Variants in RAD51B observed in about 807,000 individuals in gnomAD.
RAD51B encodes RAD51 paralog B, also known as DNA repair protein RAD51 homolog 2.
RAD51B carries 38 observed loss-of-function variants against 42.2 expected under a neutral mutation model. The ratio of observed to expected loss-of-function variants is 0.90; its 90% CI spans 0.70 to 1.18. RAD51B has a LOEUF of 1.18. RAD51B is among the 50% of genes most tolerant of loss of function. The pLI, the probability that RAD51B is intolerant of heterozygous loss-of-function variation, is 0.00. For missense variants in RAD51B, 373 were observed against 400.7 expected, an observed-to-expected ratio of 0.93 and a Z score of 0.59; for synonymous variants, 154 against 145.2, an observed-to-expected ratio of 1.06 and a Z score of -0.43.
chr14:68,371,457 G>T (rs2083263137), intron 8 of RAD51B, among the ~76,000 whole-genome samples: 1 of 152,148 alleles, frequency 6.6e-6, no homozygotes, highest in Non-Finnish European at 1.5e-5. Flanking sequence ...GGCGGAGGTT[G>T]CAGTGAGCTG....
At chr14:68,575,603 C>T (rs1333046906) in intron 10 of RAD51B, among the ~76,000 whole-genome samples, 3 of 152,208 alleles carry the variant, frequency 2.0e-5, no homozygotes, top group Non-Finnish European at 4.4e-5. Context: ...TCCCCAACGC[C>T]ACACACCCAT....
chr14:68,273,589 CCTCTACAGTGCAGATCTAT>C (rs2081162856), intron 7 of RAD51B, among the ~76,000 whole-genome samples: 2 of 152,334 alleles, frequency 1.3e-5, no homozygotes, highest in South Asian at 4.1e-4. Context: ...TGCTGTTCCA[CCTCTACAGTGCAGATCTAT>C]CTGTCAGGTG....
At chr14:68,042,135 G>A (rs2076228127) in intron 7 of RAD51B, among the ~76,000 whole-genome samples, 1 of 152,100 alleles carries the variant, frequency 6.6e-6, no homozygotes, top group Non-Finnish European at 1.5e-5. Flanking sequence ...TGAATTTTAT[G>A]TCTGCAGAGT....
chr14:68,444,550 G>T (rs1056183822), intron 9 of RAD51B, among the ~76,000 whole-genome samples: 1 of 152,166 alleles, frequency 6.6e-6, no homozygotes, highest in Non-Finnish European at 1.5e-5. Flanking sequence ...TTTTATTTTA[G>T]AGGGATAGGG....
In RAD51B at chr14:68,538,435, G is replaced by A. The variant is rs535371831; in HGVS notation, c.1037-56050G>A. Among the ~76,000 whole-genome samples the A allele has an allele frequency of 5.9e-5, 9 of 152,266 alleles. No homozygotes were observed. The South Asian group carries it at 1.7e-3, about 28-fold the overall frequency. Reference sequence around the variant, plus strand: ...CTGAATTCTCACACCTGGCTGCCAGGTCTTTAGGAAGGCATATTTTTTCAT... The same window carrying A: ...CTGAATTCTCACACCTGGCTGCCAGATCTTTAGGAAGGCATATTTTTTCAT... On this transcript the variant is annotated intron_variant, in intron 10 of 10. Transcript: ENST00000487270.
At chr14:68,614,632 G>C (rs968857366), downstream of RAD51B, among the ~76,000 whole-genome samples, 2 of 152,108 alleles carry the variant, frequency 1.3e-5, no homozygotes, top group African/African-American at 4.8e-5. Flanking sequence ...TTTGTGTTTG[G>C]CTTCTTTCAG....
intron 8 of RAD51B, among the ~76,000 whole-genome samples, chr14:68,332,757 A>AGATAAG (rs2082375662): frequency 1.3e-5 from 2 of 151,678 alleles, no homozygotes; most frequent in African/African-American, 4.8e-5. Flanking sequence ...AGAGAAATAA[A>AGATAAG]TATCTTTTTC....
At chr14:68,216,222 G>C (rs112257714) in intron 7 of RAD51B, among the ~76,000 whole-genome samples, 3 of 152,196 alleles carry the variant, frequency 2.0e-5, no homozygotes, top group African/African-American at 7.2e-5. Flanking sequence ...GGGACTTTAA[G>C]TGAGTTACTG....
At chr14:68,079,115 C>T (rs2076876929) in intron 7 of RAD51B, among the ~76,000 whole-genome samples, 2 of 152,182 alleles carry the variant, frequency 1.3e-5, no homozygotes, top group South Asian at 4.1e-4. Flanking sequence ...ACCTTAGAAC[C>T]ATACTAACTT....
At chr14:67,864,373 A>G (rs2042258514) in intron 4 of RAD51B, among the ~76,000 whole-genome samples, 1 of 152,232 alleles carries the variant, frequency 6.6e-6, no homozygotes, top group African/African-American at 2.4e-5. Context: ...AGTAGGAATC[A>G]CCTAAACTCA....
At position 67,905,098 on chromosome 14, in the gene RAD51B, G is replaced by T. The variant is rs73280489; in HGVS notation, c.756+17894G>T. Among the ~76,000 whole-genome samples, 1,267 of 152,020 alleles carry T rather than the reference G, an allele frequency of 8.3e-3. 21 individuals carry two copies. The highest frequency in any genetic ancestry group is 0.03 in the African/African-American group (1,229 of 41,430). Reference sequence around the variant, plus strand: ...GAGTTGGTTTCTGTATATGGTAAAAGGAAGGAATCTAATTTCAGTCTTCTG... The same window carrying T: ...GAGTTGGTTTCTGTATATGGTAAAATGAAGGAATCTAATTTCAGTCTTCTG... On this transcript the variant is annotated intron_variant, in intron 7 of 10. Transcript: ENST00000471583.
rs780991667 is a variant in RAD51B, at chr14:68,260,335, C to CG, written c.757-31544dup. On this transcript the variant is annotated intron_variant, in intron 7 of 10. Transcript: ENST00000471583. Reference sequence around the variant, plus strand: ...TGTGTGTGTGGAGAGGGGAAGACAGCGGGGGTAGAGATAGTAGGGGAGTAA... The same window carrying CG: ...TGTGTGTGTGGAGAGGGGAAGACAGCGGGGGGTAGAGATAGTAGGGGAGTAA... 6.2e-3 allele frequency among the ~76,000 whole-genome samples: 130 copies of CG among 21,058 alleles called. 3 individuals are homozygous for CG. Among genetic ancestry groups the CG allele is most frequent in the Non-Finnish European group, 4.9e-3 (60 of 12,368 alleles). The allele number at this position is 21,058 out of a possible 152,430, so 13.8% of individuals were successfully genotyped here.
chr14:67,886,364 C>T (rs2043060825), intron 6 of RAD51B, among the ~76,000 whole-genome samples: 1 of 152,110 alleles, frequency 6.6e-6, no homozygotes, highest in South Asian at 2.1e-4. Flanking sequence ...AGGTTATAGT[C>T]AAGCTGGTGG....
chr14:68,539,973 A>T (rs1168675153), intron 10 of RAD51B, among the ~76,000 whole-genome samples: 1 of 152,016 alleles, frequency 6.6e-6, no homozygotes, highest in Admixed American at 6.6e-5. Context: ...TAGGATGGTC[A>T]TCTGTGTCAG....
At chr14:68,389,964 T>C (rs777021169) in intron 8 of RAD51B, among the ~76,000 whole-genome samples, 1 of 152,260 alleles carries the variant, frequency 6.6e-6, no homozygotes, top group Non-Finnish European at 1.5e-5. Context: ...GATTAGGAAC[T>C]GAATAATTCT....
chr14:68,203,671 A>G (rs1248532467), intron 7 of RAD51B, among the ~76,000 whole-genome samples: 1 of 152,192 alleles, frequency 6.6e-6, no homozygotes, highest in African/African-American at 2.4e-5. Context: ...TTCTTCCAAT[A>G]TGAGGCTATT....
intron 7 of RAD51B, among the ~76,000 whole-genome samples, chr14:68,276,640 G>A (rs2081230799): frequency 6.6e-6 from 1 of 152,186 alleles, no homozygotes; most frequent in African/African-American, 2.4e-5. Flanking sequence ...GGAAAAGAAT[G>A]TGTAGGGGAA....
intron 7 of RAD51B, among the ~76,000 whole-genome samples, chr14:68,028,947 A>G (rs972126101): frequency 6.6e-6 from 1 of 151,738 alleles, no homozygotes; most frequent in Non-Finnish European, 1.5e-5. Flanking sequence ...GATTCTGTCT[A>G]CTCCCTGGGC....
chr14:68,312,954 G>T (rs1194892324), intron 8 of RAD51B, among the ~76,000 whole-genome samples: 1 of 152,136 alleles, frequency 6.6e-6, no homozygotes, highest in East Asian at 1.9e-4. Context: ...CCCTTGGTTG[G>T]GTTGTCTTGA....
Sources: gnomAD v4.1 joint callset for allele counts (sites outside exome capture counted in the v4.1 genomes callset) on GRCh38, gnomAD v4.1.1 for gene constraint, MANE v1.5 for transcripts, NCBI Gene and HGNC (gene_info 2026-07-23, HGNC 2026-07-21) for gene names.